Variants in NEDD4L observed in about 807,000 individuals in gnomAD.
The protein encoded by NEDD4L is E3 ubiquitin-protein ligase NEDD4-like.
Under a neutral mutation model 148.9 loss-of-function variants are expected in NEDD4L, and 54 were observed. That is an observed-to-expected ratio of 0.36 (90% confidence interval 0.29 to 0.45). The LOEUF is 0.45. Ranked by LOEUF, NEDD4L falls within the 20% of genes least tolerant of loss-of-function variation. NEDD4L has a pLI of 1.00. For synonymous variants in NEDD4L, 433 were observed against 440.7 expected (o/e 0.98, Z 0.22); for missense variants, 856 against 1,233.8 (o/e 0.69, Z 4.59).
At chr18:58,301,886 C>G (rs1476001001) in intron 5 of NEDD4L, among the ~76,000 whole-genome samples, 2 of 152,202 alleles carry the variant, frequency 1.3e-5, no homozygotes, top group East Asian at 1.9e-4. Context: ...GTGCCATGCC[C>G]TTTGATTCCC....
intron 27 of NEDD4L, 56 bp downstream of exon 27, chr18:58,387,554 T>A: frequency 1.4e-6 from 2 of 1,421,744 alleles, no homozygotes; most frequent in Non-Finnish European, 1.9e-6. Context: ...TATCTCTCAT[T>A]ACTTTACAAG....
Position 58,330,795 on chromosome 18 carries a change from C to G in NEDD4L, c.871C>G (p.Leu291Val), listed in dbSNP as rs773477776. The part of the protein sequence containing the change: ...NIAGDSLGLA[L>V]PPPPASPGSR... ...CGCTGGAGACTCTCTCGGTCTGGCT[C>G]TGCCCCCACCACCGGCCTCCCCAGG... The change falls in exon 11 of 31, where the codon CTG becomes GTG. Residue 291 changes from leucine (L) to valine (V), a missense_variant. By Grantham distance (32) the Leu-to-Val change is conservative. Around this residue, in one of 4 missense-constraint regions of NEDD4L, gnomAD observed 367 missense variants for 422.7 expected, o/e 0.87. Transcript: ENST00000400345. The G allele has an allele frequency of 5.6e-6, 9 of 1,613,604 alleles. No individual in the cohort carries two copies. In the African/African-American group the frequency reaches 9.3e-5, roughly 17 times the overall value.
intron 2 of NEDD4L, among the ~76,000 whole-genome samples, chr18:58,214,542 G>C (rs1488228435): frequency 6.6e-6 from 1 of 151,784 alleles, no homozygotes; most frequent in Admixed American, 6.6e-5. Context: ...AATAGGTGGT[G>C]CTCTTAAAAG....
intron 5 of NEDD4L, among the ~76,000 whole-genome samples, chr18:58,314,053 A>G (rs62096393): frequency 0.17 from 26,524 of 152,204 alleles, 2,503 homozygotes; most frequent in Non-Finnish European, 0.19. Flanking sequence ...CAGACAATTT[A>G]TGGTCAATAT....
At chr18:58,298,772 T>G (rs1432795220) in intron 5 of NEDD4L, among the ~76,000 whole-genome samples, 1 of 152,216 alleles carries the variant, frequency 6.6e-6, no homozygotes, top group Non-Finnish European at 1.5e-5. Flanking sequence ...TATAGAACAG[T>G]CTCCTAAATT....
chr18:58,073,016 A>G (rs2082965711), intron 1 of NEDD4L, among the ~76,000 whole-genome samples: 1 of 152,232 alleles, frequency 6.6e-6, no homozygotes, highest in Non-Finnish European at 1.5e-5. Context: ...CAAAAAGAAT[A>G]AAATACTTGG....
intron 14 of NEDD4L, 126 bp from the exon 15 acceptor site, chr18:58,341,552 C>T (rs370515788): frequency 6.1e-6 from 6 of 987,772 alleles, no homozygotes; most frequent in East Asian, 2.7e-5. Context: ...TAATTATTTC[C>T]TCCACGCTTT....
At chr18:58,148,592 A>G (rs576416) in intron 1 of NEDD4L, among the ~76,000 whole-genome samples, 94,306 of 152,046 alleles carry the variant, frequency 0.62, 30,116 homozygotes, top group African/African-American at 0.78. Flanking sequence ...TTTGCCCTGC[A>G]TACATCCGAA....
chr18:58,146,651 A>C lies in NEDD4L; in HGVS notation c.49-19137A>C, dbSNP rs960304773. ...TGCAGAGCCAAGCTTCAGTGTGACA[A>C]GGAATGGTGGGAGCAATTTGGAGAA... On this transcript the variant is annotated intron_variant, in intron 1 of 30. Transcript: ENST00000400345. Among the ~76,000 whole-genome samples the C allele has an allele frequency of 2.6e-5, 4 of 152,114 alleles. No homozygotes were observed. The South Asian group carries it at 8.3e-4, about 32-fold the overall frequency.
At chr18:58,228,359 G>A (rs1304611491) in intron 2 of NEDD4L, among the ~76,000 whole-genome samples, 1 of 152,240 alleles carries the variant, frequency 6.6e-6, no homozygotes, top group Non-Finnish European at 1.5e-5. Context: ...TGCATGCCAG[G>A]TGGGGGGCAG....
At chr18:58,162,178 G>A (rs1599241736) in intron 1 of NEDD4L, among the ~76,000 whole-genome samples, 1 of 152,156 alleles carries the variant, frequency 6.6e-6, no homozygotes, top group Middle Eastern at 3.4e-3. Context: ...AGCCACAGTG[G>A]TTCTTTCAAA....
chr18:58,357,379 G>A (rs1484408718), intron 19 of NEDD4L, 127 bp downstream of exon 19: 13 of 872,406 alleles, frequency 1.5e-5, no homozygotes, highest in Non-Finnish European at 2.5e-5. Context: ...TAGAAACAGA[G>A]CACTTTGCTG....
At chr18:58,234,099 T>TTCTTTC (rs2045645461) in intron 2 of NEDD4L, among the ~76,000 whole-genome samples, 1 of 80,364 alleles carries the variant, frequency 1.2e-5, no homozygotes, top group Non-Finnish European at 2.4e-5. Flanking sequence ...CTTTCTTTCT[T>TTCTTTC]TCTTTTCTTT....
At chr18:58,359,676 A>T (rs995223821) in intron 19 of NEDD4L, among the ~76,000 whole-genome samples, 2 of 152,084 alleles carry the variant, frequency 1.3e-5, no homozygotes, top group African/African-American at 4.8e-5. Context: ...TTTTGATCTT[A>T]GTGAAGCCTA....
At chr18:58,058,195 T>A (rs6566930) in intron 1 of NEDD4L, among the ~76,000 whole-genome samples, 122,510 of 151,690 alleles carry the variant, frequency 0.81, 50,025 homozygotes, top group East Asian at 1. Flanking sequence ...AATCCCAGCC[T>A]CTCGGGAGGC....
chr18:58,243,702 A>G (rs2046916986), intron 2 of NEDD4L, among the ~76,000 whole-genome samples: 2 of 152,310 alleles, frequency 1.3e-5, no homozygotes, highest in African/African-American at 4.8e-5. Context: ...CTCTTGATCC[A>G]TCTTTTTCTA....
rs1402856780 is a variant in NEDD4L, at chr18:58,371,571, A to T, written c.2256+1104A>T. 3.9e-5 allele frequency: 6 copies of T among 152,544 alleles called. No homozygotes were observed. The South Asian group carries it at 6.2e-4, about 16-fold the overall frequency. The allele number at this position is 152,544 out of a possible 1,614,324, so 9.4% of individuals were successfully genotyped here. A position where few individuals can be genotyped will look rare whatever the true frequency, so the allele number is the denominator to read the frequency against. ...ACTTGAGTTAAAAAGCCCCTGCATG[A>T]TGTCACCTGCCTGTGATACCAACTG... On this transcript the variant is annotated intron_variant, in intron 23 of 30. Transcript: ENST00000400345.
Position 58,304,993 on chromosome 18 carries a change from C to T in NEDD4L, c.298-10989C>T, listed in dbSNP as rs375559091. 4.7e-4 allele frequency among the ~76,000 whole-genome samples: 71 copies of T among 152,328 alleles called. 2 individuals are homozygous for T. In the South Asian group the frequency reaches 0.012, roughly 25 times the overall value. On this transcript the variant is annotated intron_variant, in intron 5 of 30. Transcript: ENST00000400345. ...CTTTGTGCACCTGTGAATCTTACTC[C>T]TATTAATATCCCAGCCCTATCAGGC...
At chr18:58,088,824 G>A (rs114466099) in intron 1 of NEDD4L, among the ~76,000 whole-genome samples, 2,239 of 152,202 alleles carry the variant, frequency 0.015, 54 homozygotes, top group African/African-American at 0.051. Context: ...ACTGACTGGC[G>A]TATTTATATT....
Sources: allele counts gnomAD v4.1 joint callset (sites outside exome capture counted in the v4.1 genomes callset), GRCh38; gene constraint gnomAD v4.1.1; regional missense constraint gnomAD v4.1.1; transcripts MANE v1.5; gene names NCBI Gene and HGNC (gene_info 2026-07-23, HGNC 2026-07-21).